The following CLPP variants were observed in gnomAD, a reference collection of about 807,000 sequenced individuals.
CLPP encodes the protein ATP-dependent Clp protease proteolytic subunit, mitochondrial.
In CLPP, 14 loss-of-function variants were observed where a neutral mutation model predicts 27.4. That is an observed-to-expected ratio of 0.51 (90% confidence interval 0.34 to 0.80). The LOEUF is 0.80. Among genes scored for constraint, CLPP ranks in the 30% least tolerant of loss-of-function variants. The pLI is 0.02. For missense variants in CLPP, 361 were observed against 403.6 expected, an observed-to-expected ratio of 0.89 and a Z score of 0.90; for synonymous variants, 193 against 166.6, an observed-to-expected ratio of 1.16 and a Z score of -1.22.
At chr19:6,362,002 C>A (rs994568565) in intron 2 of CLPP, 62 bp downstream of exon 2, 6 of 1,466,832 alleles carry the variant, frequency 4.1e-6, no homozygotes, top group African/African-American at 2.8e-5. Flanking sequence ...ACACTCCCTG[C>A]GCCCCTCCTT....
At chr19:6,364,294 T>G (rs925844026) in intron 3 of CLPP, among the ~76,000 whole-genome samples, 158 bp from the exon 4 acceptor site, 1 of 152,022 alleles carries the variant, frequency 6.6e-6, no homozygotes, top group Non-Finnish European at 1.5e-5. Context: ...CCTCCCAAAG[T>G]GCTGGGATTG....
chr19:6,364,313 A>G (rs1242094184), intron 3 of CLPP, 139 bp from the exon 4 acceptor site: 11 of 769,756 alleles, frequency 1.4e-5, no homozygotes, highest in Admixed American at 2.7e-5. Context: ...TGCAGGCATG[A>G]GCCACAGCGC....
chr19:6,362,103 C>G (rs528154217), intron 2 of CLPP, 163 bp downstream of exon 2: 2 of 656,228 alleles, frequency 3.0e-6, no homozygotes, highest in South Asian at 3.6e-5. Context: ...GGTCCCCCAA[C>G]CCGCTCCTCA....
At chr19:6,362,955 T>C (rs1201847363) in intron 3 of CLPP, among the ~76,000 whole-genome samples, 2 of 152,052 alleles carry the variant, frequency 1.3e-5, no homozygotes, top group Non-Finnish European at 2.9e-5. Flanking sequence ...CCGGGCAATG[T>C]GGCGTGTGCC....
rs911559948 is a variant in CLPP, at chr19:6,370,005, T to G, written c.*1295T>G. Among the ~76,000 whole-genome samples the G allele has an allele frequency of 6.6e-6, 1 of 152,016 alleles. No individual in the cohort carries two copies. Among genetic ancestry groups the G allele is most frequent in the African/African-American group, 2.4e-5 (1 of 41,378 alleles). On this transcript the variant is annotated 3_prime_UTR_variant, in exon 6 of 6. Transcript: ENST00000245816. ...GCTGATGGCAGCCCTGGCCGAGTGA[T>G]GAGAAAAAGTCAGATTCTAGCTAGG... is the stretch of plus-strand genomic sequence containing the variant.
In CLPP at chr19:6,364,954, G is replaced by T. The variant is rs917192456; in HGVS notation, c.555+315G>T. On this transcript the variant is annotated intron_variant, in intron 4 of 5. Transcript: ENST00000245816. ...TTAGCCAGGATGGTCTCGATCTCCT[G>T]ACCTCGTGATCCGCCCACATTGGCC... 44 of 254,826 alleles carry T rather than the reference G, an allele frequency of 1.7e-4. No individual in the cohort carries two copies. In the Admixed American group the frequency reaches 2.3e-3, roughly 13 times the overall value. 15.8% of individuals were successfully genotyped at this position (254,826 alleles called of 1,614,324 possible).
intron 5 of CLPP, among the ~76,000 whole-genome samples, 159 bp from the exon 6 acceptor site, chr19:6,368,379 C>T (rs993447285): frequency 6.6e-6 from 1 of 152,062 alleles, no homozygotes; most frequent in African/African-American, 2.4e-5. Context: ...AATGACTTCC[C>T]AAGGACCCCA....
chr19:6,362,273 CT>C (rs200888577), intron 2 of CLPP, 172 bp from the exon 3 acceptor site: 61 of 612,680 alleles, frequency 1.0e-4, no homozygotes, highest in East Asian at 8.8e-4. Context: ...TCCAAACCCC[CT>C]GGGTCCTCTC....
chr19:6,364,855 A>C, intron 4 of CLPP: 2 of 495,948 alleles, frequency 4.0e-6, no homozygotes, highest in Non-Finnish European at 7.1e-6. Context: ...GAGCCTCCTG[A>C]GTAGCTGGGA....
chr19:6,362,120 C>A, intron 2 of CLPP, 180 bp downstream of exon 2: 1 of 618,888 alleles, frequency 1.6e-6, no homozygotes, highest in Non-Finnish European at 2.8e-6. Context: ...CTCACCCCTT[C>A]TCTGCTCCTC....
intron 4 of CLPP, chr19:6,365,058 G>A (rs1220862676): frequency 6.1e-6 from 1 of 164,078 alleles, no homozygotes; most frequent in Non-Finnish European, 1.3e-5. Flanking sequence ...GTGCAGGCCA[G>A]GCTGGGTGTG....
rs1184979989 is a variant in CLPP, at chr19:6,369,391, G to A, written c.*681G>A. The stretch of plus-strand genomic sequence containing the variant: ...GATCACGCCACTGCCCTTTAGCCTG[G>A]GCAACAGAGCAAGGCTCTGTCTCAA... On this transcript the variant is annotated 3_prime_UTR_variant, in exon 6 of 6. Coordinates refer to ENST00000245816, the MANE Select transcript of CLPP (RefSeq NM_006012.4). Among the ~76,000 whole-genome samples the A allele has an allele frequency of 6.6e-6, 1 of 151,228 alleles. No individual in the cohort carries two copies. Among genetic ancestry groups the A allele is most frequent in the African/African-American group, 2.4e-5 (1 of 40,930 alleles).
intron 3 of CLPP, among the ~76,000 whole-genome samples, chr19:6,364,175 C>T (rs945873633): frequency 6.6e-6 from 1 of 151,654 alleles, no homozygotes; most frequent in Non-Finnish European, 1.5e-5. Context: ...GGACTACAGG[C>T]ACCCGCCACC....
intron 3 of CLPP, 83 bp downstream of exon 3, chr19:6,362,625 TGTTCTCTC>T: frequency 1.0e-6 from 1 of 967,152 alleles, no homozygotes. Context: ...GGGTCAGGGA[TGTTCTCTC>T]TCTGGGAAAG....
rs749970393 is a variant in CLPP at position 6,361,757 on chromosome 19, C to T, written c.183C>T (p.Ile61=). The change falls in exon 1 of 6, where the codon ATC becomes ATT. Residue 61 remains isoleucine, a synonymous_variant. Transcript: ENST00000245816. ...TATRALPLIP[I]VVEQTGRGER... is the part of the protein sequence containing the mutation. ...CCCGGGCTCTCCCGCTCATTCCCAT[C>T]GTGGTGGAGCAGACGGTACGGCGGC... is the stretch of plus-strand genomic sequence containing the variant. 6.9e-7 allele frequency: 1 copy of T among 1,449,170 alleles called. No individual in the cohort carries two copies. The highest frequency in any genetic ancestry group is 1.2e-5 in the South Asian group (1 of 81,622). The allele number at this position is 1,449,170 out of a possible 1,614,324, so 89.8% of individuals were successfully genotyped here. A position where few individuals can be genotyped will look rare whatever the true frequency, so the allele number is the denominator to read the frequency against.
chr19:6,365,805 G>A (rs182428991), intron 4 of CLPP, among the ~76,000 whole-genome samples: 75 of 144,252 alleles, frequency 5.2e-4, no homozygotes, highest in African/African-American at 2.0e-3. Context: ...AGCAACAGAG[G>A]AAGACCCTGT....
At chr19:6,362,780 T>G (rs546009281) in intron 3 of CLPP, among the ~76,000 whole-genome samples, 1 of 152,248 alleles carries the variant, frequency 6.6e-6, no homozygotes, top group South Asian at 2.1e-4. Flanking sequence ...CTGACCCGGC[T>G]GACATTTAAA....
intron 3 of CLPP, among the ~76,000 whole-genome samples, chr19:6,363,713 C>T (rs1380566330): frequency 1.3e-5 from 2 of 151,848 alleles, no homozygotes; most frequent in African/African-American, 2.4e-5. Flanking sequence ...GCCTGGCCAA[C>T]GTGGTGAAAT....
intron 3 of CLPP, 91 bp downstream of exon 3, chr19:6,362,633 C>A: frequency 1.1e-6 from 1 of 916,680 alleles, no homozygotes; most frequent in Non-Finnish European, 1.8e-6. Context: ...GATGTTCTCT[C>A]TCTGGGAAAG....
Sources: allele counts gnomAD v4.1 joint callset (sites outside exome capture counted in the v4.1 genomes callset), GRCh38; gene constraint gnomAD v4.1.1; transcripts MANE v1.5; gene names NCBI Gene and HGNC (gene_info 2026-07-23, HGNC 2026-07-21).